Variants in FBXO36 observed in about 807,000 individuals in gnomAD.
FBXO36 encodes the protein F-box protein 36.
Under a neutral mutation model 17.0 loss-of-function variants are expected in FBXO36, and 18 were observed. The ratio of observed to expected loss-of-function variants is 1.06; its 90% CI spans 0.73 to 1.57. The LOEUF (loss-of-function observed/expected upper bound fraction) is 1.57. FBXO36 is among the 40% of genes most tolerant of loss of function. The pLI is 0.00. For missense variants in FBXO36, 229 were observed against 221.9 expected, an observed-to-expected ratio of 1.03 and a Z score of -0.20; for synonymous variants, 83 against 85.3, an observed-to-expected ratio of 0.97 and a Z score of 0.15.
At chr2:229,964,595 A>G (rs1054023503) in intron 1 of FBXO36, among the ~76,000 whole-genome samples, 21 of 152,304 alleles carry the variant, frequency 1.4e-4, no homozygotes, top group Admixed American at 1.2e-3. Context: ...ATCTCGGCTT[A>G]CCACAGCCTC....
chr2:229,954,525 G>A (rs1013219890), intron 1 of FBXO36, among the ~76,000 whole-genome samples: 12 of 147,528 alleles, frequency 8.1e-5, no homozygotes, highest in East Asian at 2.0e-4. Flanking sequence ...TTACAGGCAT[G>A]AGCCACTGCA....
At position 229,993,377 on chromosome 2, in the gene FBXO36, G is replaced by T. The variant is rs558707743; in HGVS notation, c.206-3374G>T. ...GTCAGGACATGGCCGTTGGCTTCTCGCAGAGTGAGTGATCGAAGAGCAAAG... is the reference window on the plus strand; with the variant it reads ...GTCAGGACATGGCCGTTGGCTTCTCTCAGAGTGAGTGATCGAAGAGCAAAG... On this transcript the variant is annotated intron_variant, in intron 2 of 3. Transcript: ENST00000283946. Among the ~76,000 whole-genome samples the T allele has an allele frequency of 1.6e-3, 241 of 152,272 alleles. 1 individual carries two copies. The highest frequency in any genetic ancestry group is 2.4e-3 in the Non-Finnish European group (164 of 68,024).
chr2:229,954,392 G>A (rs1004400808), intron 1 of FBXO36, among the ~76,000 whole-genome samples: 2 of 150,660 alleles, frequency 1.3e-5, no homozygotes, highest in African/African-American at 2.4e-5. Flanking sequence ...ACAGGCATGC[G>A]CCACCACACC....
intron 1 of FBXO36, chr2:229,939,413 G>T (rs2076985306): frequency 3.1e-6 from 1 of 324,722 alleles, no homozygotes; most frequent in Admixed American, 6.5e-5. Flanking sequence ...AGAACAACCT[G>T]GCCAGCACGG....
intron 1 of FBXO36, among the ~76,000 whole-genome samples, chr2:229,935,722 C>T (rs576297249): frequency 6.6e-6 from 1 of 152,190 alleles, no homozygotes; most frequent in Admixed American, 6.5e-5. Flanking sequence ...GAAGGGTATC[C>T]TAAAATCAGC....
At chr2:229,949,500 C>T (rs777361797) in intron 1 of FBXO36, among the ~76,000 whole-genome samples, 5 of 151,606 alleles carry the variant, frequency 3.3e-5, no homozygotes, top group Non-Finnish European at 5.9e-5. Flanking sequence ...AGATTATAGA[C>T]AAGCATGTTT....
chr2:229,938,055 C>T (rs553538), intron 1 of FBXO36, among the ~76,000 whole-genome samples: 4,391 of 152,178 alleles, frequency 0.029, 90 homozygotes, highest in Non-Finnish European at 0.048. Flanking sequence ...GCAACCTCTG[C>T]CTCCTGGGTT....
intron 2 of FBXO36, among the ~76,000 whole-genome samples, chr2:229,984,805 C>A (rs1220198640): frequency 6.6e-6 from 1 of 152,188 alleles, no homozygotes; most frequent in Non-Finnish European, 1.5e-5. Context: ...GGTACAAATA[C>A]ACAATCCTCA....
chr2:229,996,184 G>C (rs2077326218), intron 2 of FBXO36, among the ~76,000 whole-genome samples: 1 of 151,892 alleles, frequency 6.6e-6, no homozygotes, highest in Non-Finnish European at 1.5e-5. Flanking sequence ...AGGCTGAAAT[G>C]GGAGGATTGC....
chr2:230,002,200 A>G (rs1271502210), intron 3 of FBXO36, among the ~76,000 whole-genome samples: 1 of 152,066 alleles, frequency 6.6e-6, no homozygotes, highest in Non-Finnish European at 1.5e-5. Context: ...TTACATAACC[A>G]TGGTACATTT....
chr2:229,958,559 G>T (rs531691024), intron 1 of FBXO36, among the ~76,000 whole-genome samples: 1 of 152,090 alleles, frequency 6.6e-6, no homozygotes, highest in African/African-American at 2.4e-5. Context: ...GCGAGCCACC[G>T]CACCCTGCCG....
At chr2:229,929,579 A>G (rs1467856235) in intron 1 of FBXO36, among the ~76,000 whole-genome samples, 2 of 151,218 alleles carry the variant, frequency 1.3e-5, no homozygotes, top group Non-Finnish European at 2.9e-5. Flanking sequence ...AAAAAAAGAA[A>G]AAGAAAGACA....
At chr2:229,984,716 T>C (rs181972452) in intron 2 of FBXO36, among the ~76,000 whole-genome samples, 65 of 152,282 alleles carry the variant, frequency 4.3e-4, no homozygotes, top group African/African-American at 1.6e-3. Flanking sequence ...CTTGTTTTGC[T>C]CTTCATATAT....
chr2:229,996,970 T>C, intron 3 of FBXO36, 47 bp downstream of exon 3: 1 of 1,563,182 alleles, frequency 6.4e-7, no homozygotes, highest in South Asian at 1.2e-5. Flanking sequence ...CCATGTGCTT[T>C]CTAAAAAAAA....
rs1363603761 is a variant in FBXO36, at chr2:230,012,840, A to G, written c.*1956A>G. On this transcript the variant is annotated 3_prime_UTR_variant, in exon 4 of 4. Transcript: ENST00000283946. ...CATGTGTAGTATTTTATCAACAAACAGATTCTGAAAGCTTATGGACATGCG... is the reference window on the plus strand; with the variant it reads ...CATGTGTAGTATTTTATCAACAAACGGATTCTGAAAGCTTATGGACATGCG... 1.3e-5 allele frequency: 2 copies of G among 151,770 alleles called. No individual in the cohort carries two copies. The highest frequency in any genetic ancestry group is 2.9e-5 in the Non-Finnish European group (2 of 67,888). The allele number at this position is 151,770 out of a possible 1,614,324, so 9.4% of individuals were successfully genotyped here.
At position 229,922,510 on chromosome 2, in the gene FBXO36, C is replaced by G. The variant is rs754525648; in HGVS notation, c.-4C>G. The G allele has an allele frequency of 1.2e-6, 2 of 1,614,006 alleles. No homozygotes were observed. The highest frequency in any genetic ancestry group is 1.1e-5 in the South Asian group (1 of 91,078). ...TGTCTTAGCGACGGCGGTGGCGTCCCAAGATGGCGTCGTGGCTGCCGGAGA... is the reference window on the plus strand; with the variant it reads ...TGTCTTAGCGACGGCGGTGGCGTCCGAAGATGGCGTCGTGGCTGCCGGAGA... On this transcript the variant is annotated 5_prime_UTR_variant, in exon 1 of 4. Transcript: ENST00000283946.
chr2:229,980,847 G>A (rs183849368), intron 2 of FBXO36, among the ~76,000 whole-genome samples: 26 of 152,086 alleles, frequency 1.7e-4, no homozygotes, highest in African/African-American at 5.8e-4. Flanking sequence ...GCAGTCTCGG[G>A]GCTGCCAGGT....
chr2:230,010,778 A>G lies in FBXO36; in HGVS notation c.461A>G (p.Glu154Gly). 1 of 1,613,988 alleles carries G rather than the reference A, an allele frequency of 6.2e-7. No homozygotes were observed. Among genetic ancestry groups the G allele is most frequent in the Middle Eastern group, 1.7e-4 (1 of 6,056 alleles). ...ACTCCTGACGTGAGGGCCCTGGCGGAGGACACAGGCTGGAGACAGCTGTTC... is the reference window on the plus strand; with the variant it reads ...ACTCCTGACGTGAGGGCCCTGGCGGGGGACACAGGCTGGAGACAGCTGTTC... ...TITPDVRALA[E>G]DTGWRQLFFT... The change falls in exon 4 of 4, where the codon GAG (glutamate) becomes GGG (glycine). Residue 154 changes from glutamate (E) to glycine (G), a missense_variant. Transcript: ENST00000283946.
chr2:229,988,996 G>T (rs376272082), intron 2 of FBXO36, among the ~76,000 whole-genome samples: 3 of 151,772 alleles, frequency 2.0e-5, no homozygotes, highest in East Asian at 3.9e-4. Flanking sequence ...TAAAAATTGG[G>T]TTGTTTCCAA....
Sources: gnomAD v4.1 joint callset for allele counts (sites outside exome capture counted in the v4.1 genomes callset) on GRCh38, gnomAD v4.1.1 for gene constraint, MANE v1.5 for transcripts, NCBI Gene and HGNC (gene_info 2026-07-23, HGNC 2026-07-21) for gene names.